The following TMEM64 variants were observed in gnomAD, a reference collection of about 807,000 sequenced individuals.
TMEM64 encodes the protein transmembrane protein 64.
A neutral mutation model predicts 24.5 loss-of-function variants in TMEM64; 19 were observed. The observed-to-expected ratio is 0.78, with a 90% CI of 0.54 to 1.14. The LOEUF (loss-of-function observed/expected upper bound fraction) is 1.14, where lower values mean the gene tolerates loss of function less well. Ranked by LOEUF, TMEM64 falls within the 50% of genes most tolerant of loss-of-function variation. TMEM64 has a pLI of 0.00. For synonymous variants in TMEM64, 262 were observed against 224.7 expected (o/e 1.17, Z -1.49); for missense variants, 487 against 493.0 (o/e 0.99, Z 0.12).
rs1182624390 is a variant in TMEM64, at chr8:90,645,382, C to T, written c.524G>A (p.Gly175Asp). 1 of 1,551,942 alleles carries T rather than the reference C, an allele frequency of 6.4e-7. No individual in the cohort carries two copies. The highest frequency in any genetic ancestry group is 8.7e-7 in the Non-Finnish European group (1 of 1,147,096). The change falls in exon 1 of 3, where the codon GGC (glycine) becomes GAC (aspartate). Residue 175 changes from glycine to aspartate, a missense_variant. Gly to Asp is a moderately conservative substitution (Grantham distance 94). This residue lies in a region of TMEM64 where 419 missense variants were observed against 407.5 expected (regional missense o/e 1.03). Transcript: ENST00000458549. The surrounding 1 kb of genome is among the most constrained non-coding windows in gnomAD (Gnocchi z 4.2). Reference protein sequence around the residue: ...VGFIVVSFPCGWGYIVLNVAA... With the variant: ...VGFIVVSFPCDWGYIVLNVAA... ...CACGTTGAGCACGATGTAGCCCCAGCCGCAGGGGAAAGAGACCACGATGAA... is the reference window on the plus strand; with the variant it reads ...CACGTTGAGCACGATGTAGCCCCAGTCGCAGGGGAAAGAGACCACGATGAA...
chr8:90,628,053 G>T (rs980074955), intron 2 of TMEM64, among the ~76,000 whole-genome samples: 5 of 152,088 alleles, frequency 3.3e-5, no homozygotes, highest in African/African-American at 1.2e-4. Context: ...CTGATCCCAG[G>T]GCCTGACGAT....
intron 2 of TMEM64, 64 bp downstream of exon 2, chr8:90,631,488 T>C (rs1809438035): frequency 2.3e-6 from 3 of 1,309,878 alleles, no homozygotes; most frequent in Non-Finnish European, 2.1e-6. Flanking sequence ...ATCTGTCAAA[T>C]CAGCAATGCC....
intron 1 of TMEM64, among the ~76,000 whole-genome samples, chr8:90,639,434 T>C (rs1809569968): frequency 6.6e-6 from 1 of 152,146 alleles, no homozygotes; most frequent in Non-Finnish European, 1.5e-5. Flanking sequence ...AAAATGTATA[T>C]CTTATTGTAC....
At chr8:90,631,844 T>C (rs1384520895) in intron 1 of TMEM64, 137 bp from the exon 2 acceptor site, 2 of 596,896 alleles carry the variant, frequency 3.4e-6, no homozygotes, top group Non-Finnish European at 5.4e-6. Flanking sequence ...ATTCTGAGTT[T>C]ACAAAATGAT....
chr8:90,629,877 A>G (rs1220810903), intron 2 of TMEM64, among the ~76,000 whole-genome samples: 1 of 152,160 alleles, frequency 6.6e-6, no homozygotes, highest in Non-Finnish European at 1.5e-5. Context: ...GTTTTACTTT[A>G]TGTACTAAAC....
chr8:90,631,570 A>C lies in TMEM64; in HGVS notation c.933T>G (p.Tyr311Ter), dbSNP rs779775313. 2 of 1,596,476 alleles carry C rather than the reference A, an allele frequency of 1.3e-6. No individual in the cohort carries two copies. Among genetic ancestry groups the C allele is most frequent in the South Asian group, 2.3e-5 (2 of 88,734 alleles). The part of the protein sequence containing the change: ...DVIAEQSVSG[Y>*]FVFCLQIIIS... ...AACTCACCTGTAAACAAAAAACAAA[A>C]TATCCACTAACACTCTGTTCTGCAA... The change falls in exon 2 of 3, where the codon TAT (tyrosine) becomes TAG (stop). Residue 311 changes from tyrosine (Y) to a stop codon, truncating the protein, a stop_gained. Coordinates refer to ENST00000458549, the MANE Select transcript of TMEM64 (RefSeq NM_001008495.4). LOFTEE classifies it high-confidence loss of function.
Position 90,623,569 on chromosome 8 carries a change from A to G in TMEM64, c.*2102T>C, listed in dbSNP as rs1293983518. On this transcript the variant is annotated 3_prime_UTR_variant, in exon 3 of 3. Coordinates refer to ENST00000458549, the MANE Select transcript of TMEM64 (RefSeq NM_001008495.4). ...TTAAGAAAAAAATGGATGATTTATT[A>G]TATAAAATTAAGATTGGCAGAATAC... 2 of 152,590 alleles carry G rather than the reference A, an allele frequency of 1.3e-5. No homozygotes were observed. Among genetic ancestry groups the G allele is most frequent in the Non-Finnish European group, 2.9e-5 (2 of 67,994 alleles). The allele number at this position is 152,590 out of a possible 1,614,324, so 9.5% of individuals were successfully genotyped here.
intron 1 of TMEM64, among the ~76,000 whole-genome samples, chr8:90,642,381 T>C (rs1053506470): frequency 2.6e-5 from 4 of 151,598 alleles, no homozygotes; most frequent in Non-Finnish European, 5.9e-5. Flanking sequence ...TCTCTAATTA[T>C]GGGCACACAA....
Position 90,645,949 on chromosome 8 carries a change from G to T in TMEM64, c.-44C>A. 1.9e-6 allele frequency: 2 copies of T among 1,076,194 alleles called. No homozygotes were observed. The highest frequency in any genetic ancestry group is 2.3e-6 in the Non-Finnish European group (2 of 876,890). 66.7% of individuals were successfully genotyped at this position (1,076,194 alleles called of 1,614,324 possible). On this transcript the variant is annotated 5_prime_UTR_variant, in exon 1 of 3. Coordinates refer to ENST00000458549, the MANE Select transcript of TMEM64 (RefSeq NM_001008495.4). This position sits in a 1 kb window ranked among gnomAD's most constrained non-coding sequence, Gnocchi z 4.2. The stretch of plus-strand genomic sequence containing the variant: ...CCCTCAGCCGGCCAGCCCCTCCGCC[G>T]CGGCGCCCGTTAGGCAGCTGCCCTT...
intron 1 of TMEM64, among the ~76,000 whole-genome samples, chr8:90,635,232 C>T (rs1293310169): frequency 6.6e-6 from 1 of 151,952 alleles, no homozygotes; most frequent in East Asian, 1.9e-4. Context: ...GAAACCAAAG[C>T]GTAACTTTTT....
Position 90,623,634 on chromosome 8 carries a change from G to GT in TMEM64, c.*2036dup, listed in dbSNP as rs1260351088. 1.3e-5 allele frequency: 2 copies of GT among 152,456 alleles called. No individual in the cohort carries two copies. The highest frequency in any genetic ancestry group is 2.9e-5 in the Non-Finnish European group (2 of 67,962). The allele number at this position is 152,456 out of a possible 1,614,324, so 9.4% of individuals were successfully genotyped here. ...TTTACCTTTACATATTTATTGTTAA[G>GT]TACCAAGCAAAGTGTAACAATTAGA... On this transcript the variant is annotated 3_prime_UTR_variant, in exon 3 of 3. Coordinates refer to ENST00000458549, the MANE Select transcript of TMEM64 (RefSeq NM_001008495.4).
intron 1 of TMEM64, among the ~76,000 whole-genome samples, chr8:90,636,454 C>T (rs1004614904): frequency 1.3e-5 from 2 of 152,180 alleles, no homozygotes; most frequent in Non-Finnish European, 2.9e-5. Flanking sequence ...CCGGGTTTCA[C>T]CATGTTGGTC....
intron 2 of TMEM64, among the ~76,000 whole-genome samples, chr8:90,626,591 A>G (rs1403980941): frequency 6.7e-6 from 1 of 149,770 alleles, no homozygotes; most frequent in Non-Finnish European, 1.5e-5. Flanking sequence ...TCATTGTCCT[A>G]TAGGAAGCTG....
At chr8:90,627,527 C>A (rs567622542) in intron 2 of TMEM64, among the ~76,000 whole-genome samples, 1 of 151,958 alleles carries the variant, frequency 6.6e-6, no homozygotes, top group Non-Finnish European at 1.5e-5. Flanking sequence ...ATGCTGAATT[C>A]GAGGTGCCTC....
chr8:90,632,838 A>G (rs1303022631), intron 1 of TMEM64, among the ~76,000 whole-genome samples: 1 of 152,248 alleles, frequency 6.6e-6, no homozygotes, highest in Non-Finnish European at 1.5e-5. Flanking sequence ...GTGACACTCA[A>G]AAAAGGTGAA....
At position 90,625,575 on chromosome 8, in the gene TMEM64, G is replaced by A. The variant is rs1809343841; in HGVS notation, c.*96C>T. 3.9e-6 allele frequency: 4 copies of A among 1,014,954 alleles called. No homozygotes were observed. The highest frequency in any genetic ancestry group is 2.6e-5 in the Admixed American group (1 of 38,946). The allele number at this position is 1,014,954 out of a possible 1,614,324, so 62.9% of individuals were successfully genotyped here. ...AAAACTAGTCAGTTTTGTTTGTGCT[G>A]TAATACAATTAGAACTTGTCTCTGC... On this transcript the variant is annotated 3_prime_UTR_variant, in exon 3 of 3. Transcript: ENST00000458549.
Position 90,645,072 on chromosome 8 carries a change from C to A in TMEM64, c.795+39G>T, listed in dbSNP as rs777765372. ...GGGCCGCCACAAGACCGCTCAAAAACAGACTTGGAGAGGGATAGGCCAGCG... is the reference window on the plus strand; with the variant it reads ...GGGCCGCCACAAGACCGCTCAAAAAAAGACTTGGAGAGGGATAGGCCAGCG... On this transcript the variant is annotated intron_variant, in intron 1 of 2. Transcript: ENST00000458549. This position sits in a 1 kb window ranked among gnomAD's most constrained non-coding sequence, Gnocchi z 4.2. 23 of 1,564,726 alleles carry A rather than the reference C, an allele frequency of 1.5e-5. No homozygotes were observed. Among genetic ancestry groups the A allele is most frequent in the Non-Finnish European group, 2.0e-5 (23 of 1,150,474 alleles).
intron 1 of TMEM64, among the ~76,000 whole-genome samples, chr8:90,643,731 T>C (rs1809642804): frequency 6.6e-6 from 1 of 152,204 alleles, no homozygotes; most frequent in African/African-American, 2.4e-5. Context: ...TGGGTCAAAG[T>C]TCAAGTTTAT....
intron 2 of TMEM64, among the ~76,000 whole-genome samples, chr8:90,630,431 T>C (rs910724908): frequency 5.9e-5 from 9 of 152,226 alleles, no homozygotes; most frequent in Non-Finnish European, 1.3e-4. Context: ...CTACTGGTTT[T>C]GAGCATAATC....
Sources: gnomAD v4.1 joint callset for allele counts (sites outside exome capture counted in the v4.1 genomes callset) on GRCh38, gnomAD v4.1.1 for gene constraint, gnomAD v4.1.1 regional missense constraint, Gnocchi (gnomAD v3.1) non-coding constraint, MANE v1.5 for transcripts, NCBI Gene and HGNC (gene_info 2026-07-23, HGNC 2026-07-21) for gene names.